Variants in ATRIP observed in about 807,000 individuals in gnomAD.
The protein encoded by ATRIP is ATR-interacting protein.
ATRIP carries 44 observed loss-of-function variants against 78.1 expected under a neutral mutation model. The observed-to-expected ratio is 0.56, with a 90% CI of 0.44 to 0.72. The LOEUF (loss-of-function observed/expected upper bound fraction) is 0.72, where lower values mean the gene tolerates loss of function less well. Among genes scored for constraint, ATRIP ranks in the 30% least tolerant of loss-of-function variants. The pLI is 0.00. For missense variants in ATRIP, 927 were observed against 980.2 expected (o/e 0.95, Z 0.72); for synonymous variants, 388 against 408.9 (o/e 0.95, Z 0.62).
intron 1 of ATRIP, among the ~76,000 whole-genome samples, chr3:48,449,478 A>G (rs1193335361): frequency 6.0e-5 from 9 of 151,250 alleles, no homozygotes; most frequent in Non-Finnish European, 1.3e-4. Context: ...AGGTTGAAAA[A>G]CATCTATATT....
chr3:48,447,148 C>A, intron 1 of ATRIP, 56 bp downstream of exon 1: 2 of 1,403,518 alleles, frequency 1.4e-6, no homozygotes, highest in Non-Finnish European at 1.9e-6. Flanking sequence ...CGCCAGATCC[C>A]CTTGATGGCT....
intron 2 of ATRIP, chr3:48,450,490 CA>C (rs995745348): frequency 7.7e-7 from 1 of 1,292,116 alleles, no homozygotes; most frequent in Non-Finnish European, 1.0e-6. Context: ...TTTTCATTAG[CA>C]GCTTTGCAAG....
At chr3:48,461,343 C>T (rs1195873130) in intron 8 of ATRIP, 3 of 152,386 alleles carry the variant, frequency 2.0e-5, no homozygotes, top group East Asian at 1.9e-4. Context: ...ATCATAAATT[C>T]CTCCCTTGGG....
chr3:48,447,138 C>T (rs750450647), intron 1 of ATRIP, 46 bp downstream of exon 1: 2 of 1,434,800 alleles, frequency 1.4e-6, no homozygotes, highest in East Asian at 2.8e-5. Context: ...TTGTCAACCG[C>T]GCCAGATCCC....
At chr3:48,449,929 C>T in intron 1 of ATRIP, 108 bp from the exon 2 acceptor site, 2 of 1,214,402 alleles carry the variant, frequency 1.6e-6, no homozygotes, top group Admixed American at 2.4e-5. Context: ...CAGAGCAAGA[C>T]CCTATCTCAA....
rs2040069986 is a variant in ATRIP, at chr3:48,460,395, G to A, written c.1341G>A (p.Gly447=). Residue 447 remains glycine, a synonymous_variant, in exon 8 of 13, where the codon GGG becomes GGA. Transcript: ENST00000320211. ...CTGCTAAGAGAAGCGGAGCACCTGGGGACTCACCGACACATTCCTCCTGCG... is the reference window on the plus strand; with the variant it reads ...CTGCTAAGAGAAGCGGAGCACCTGGAGACTCACCGACACATTCCTCCTGCG... ...LAAAKRSGAP[G]DSPTHSSCVS... is the part of the protein sequence containing the mutation. The A allele has an allele frequency of 1.9e-6, 3 of 1,613,376 alleles. No individual in the cohort carries two copies. The highest frequency in any genetic ancestry group is 2.2e-5 in the South Asian group (2 of 90,982).
Position 48,447,020 on chromosome 3 carries a change from G to GAAAT in ATRIP, c.176_177insAATA (p.Asp59GlufsTer7). 1 of 1,580,600 alleles carries GAAAT rather than the reference G, an allele frequency of 6.3e-7. No individual in the cohort carries two copies. Among genetic ancestry groups the GAAAT allele is most frequent in the Admixed American group, 1.8e-5 (1 of 55,784 alleles). On this transcript the variant is annotated frameshift_variant, in exon 1 of 13. Transcript: ENST00000320211. LOFTEE classifies it high-confidence loss of function. ...CGCGCATGGGGACTTCACTGCCGAC[G>GAAAT]ACCTGGAGGAGCTTGACACCCTCGC... is the stretch of plus-strand genomic sequence containing the variant.
chr3:48,451,879 G>T lies in ATRIP; in HGVS notation c.532G>T (p.Glu178Ter), dbSNP rs745780294. Residue 178 changes from glutamate to a stop codon, truncating the protein, a stop_gained, in exon 3 of 13, where the codon GAA becomes TAA. Coordinates refer to ENST00000320211, the MANE Select transcript of ATRIP (RefSeq NM_130384.3). LOFTEE classifies it high-confidence loss of function. Reference protein sequence around the residue: ...QEKTQALSDKEKEFSKKLQSL... With the variant: ...QEKTQALSDK ...GAAAACCCAAGCACTCAGTGACAAG[G>T]AAAAGGAATTCTCCAAAAAGGTGAC... is the stretch of plus-strand genomic sequence containing the variant. 6.2e-7 allele frequency: 1 copy of T among 1,605,420 alleles called. No individual in the cohort carries two copies. Among genetic ancestry groups the T allele is most frequent in the South Asian group, 1.1e-5 (1 of 88,972 alleles).
chr3:48,446,998 G>T lies in ATRIP; in HGVS notation c.153G>T (p.Ala51=), dbSNP rs766298876. The stretch of plus-strand genomic sequence containing the variant: ...CGGACCCTGACGACCCGTTCGGCGC[G>T]CATGGGGACTTCACTGCCGACGACC... ...AAPDPDDPFG[A]HGDFTADDLE... Residue 51 remains alanine, a synonymous_variant, in exon 1 of 13, where the codon GCG becomes GCT. Transcript: ENST00000320211. 3.8e-6 allele frequency: 6 copies of T among 1,578,654 alleles called. 1 individual carries two copies. In the South Asian group the frequency reaches 5.7e-5, roughly 15 times the overall value.
At chr3:48,454,492 G>C (rs2039908000) in intron 4 of ATRIP, 74 bp downstream of exon 4, 2 of 1,193,170 alleles carry the variant, frequency 1.7e-6, no homozygotes, top group Middle Eastern at 3.9e-4. Context: ...TGTCAGGCTG[G>C]TCCTAAATGA....
chr3:48,449,437 A>AAG (rs2039775778), intron 1 of ATRIP, among the ~76,000 whole-genome samples: 1 of 149,190 alleles, frequency 6.7e-6, no homozygotes, highest in Non-Finnish European at 1.5e-5. Flanking sequence ...AAAAAAAAGA[A>AAG]GGATCATTTA....
chr3:48,460,482 G>A lies in ATRIP; in HGVS notation c.1428G>A (p.Val476=), dbSNP rs988242081. The A allele has an allele frequency of 1.2e-6, 2 of 1,611,318 alleles. No homozygotes were observed. The highest frequency in any genetic ancestry group is 2.2e-5 in the East Asian group (1 of 44,858). ...TGTGCATCCTGGAAGGCTTCTCTGT[G>A]ACTGCACTTAGCATTCTTCAGCACC... The part of the protein sequence containing the change: ...DSVCILEGFS[V]TALSILQHLV... Residue 476 remains valine, a synonymous_variant, in exon 8 of 13, where the codon GTG becomes GTA. Transcript: ENST00000320211.
chr3:48,457,235 G>A, intron 4 of ATRIP, 24 bp from the exon 5 acceptor site: 1 of 1,521,590 alleles, frequency 6.6e-7, no homozygotes, highest in South Asian at 1.3e-5. Context: ...TCATTACTTT[G>A]CTTTCATAGT....
intron 5 of ATRIP, among the ~76,000 whole-genome samples, chr3:48,457,726 G>T (rs1388529552): frequency 6.6e-6 from 1 of 152,170 alleles, no homozygotes; most frequent in African/African-American, 2.4e-5. Context: ...AGCGAGCCAG[G>T]CAGAAGCTAT....
intron 3 of ATRIP, among the ~76,000 whole-genome samples, chr3:48,453,325 T>G (rs940024131): frequency 6.6e-6 from 1 of 152,138 alleles, no homozygotes; most frequent in Non-Finnish European, 1.5e-5. Context: ...TTCAGCAAAC[T>G]TAGCAAACTT....
rs2039688900 is a variant in ATRIP at position 48,446,897 on chromosome 3, C to T, written c.52C>T (p.Pro18Ser). Residue 18 changes from proline (P) to serine (S), a missense_variant, in exon 1 of 13, where the codon CCT (proline) becomes TCT (serine). Coordinates refer to ENST00000320211, the MANE Select transcript of ATRIP (RefSeq NM_130384.3). ...CAAGAGGCGGAGCGAGCCCCCGGCG[C>T]CTCGCCCCGGCCCGCCGCCGGGCAC... ...GSKRRSEPPA[P>S]RPGPPPGTGH... 7.2e-7 allele frequency: 1 copy of T among 1,390,292 alleles called. No homozygotes were observed. The highest frequency in any genetic ancestry group is 1.9e-5 in the South Asian group (1 of 53,688). The allele number at this position is 1,390,292 out of a possible 1,614,324, so 86.1% of individuals were successfully genotyped here.
intron 3 of ATRIP, among the ~76,000 whole-genome samples, chr3:48,452,917 C>T (rs1304331882): frequency 1.5e-5 from 2 of 134,302 alleles, no homozygotes; most frequent in African/African-American, 5.7e-5. Context: ...CAGGGTTTCA[C>T]TCTCTTGCCC....
rs1037133581 is a variant in ATRIP, at chr3:48,465,716, G to C, written c.*162G>C. 4 of 654,990 alleles carry C rather than the reference G, an allele frequency of 6.1e-6. No individual in the cohort carries two copies. The highest frequency in any genetic ancestry group is 1.0e-5 in the Non-Finnish European group (4 of 385,562). 40.6% of individuals were successfully genotyped at this position (654,990 alleles called of 1,614,324 possible). On this transcript the variant is annotated 3_prime_UTR_variant, in exon 13 of 13. Coordinates refer to ENST00000320211, the MANE Select transcript of ATRIP (RefSeq NM_130384.3). ...AGTGGGAGGGGTGGAGCAGGACCCG[G>C]ACCCTGAGTGGCTGGGATCCTTCTT... is the stretch of plus-strand genomic sequence containing the variant.
In ATRIP at chr3:48,451,912, A is replaced by G. The variant is rs1292943886; in HGVS notation, c.552+13A>G. 6.3e-7 allele frequency: 1 copy of G among 1,588,082 alleles called. No individual in the cohort carries two copies. The highest frequency in any genetic ancestry group is 1.3e-5 in the African/African-American group (1 of 74,112). ...ATTCTCCAAAAAGGTGACCCAGAGC[A>G]TTTGTTTTGCACCAGCTTTGCCTGC... On this transcript the variant is annotated intron_variant, in intron 3 of 12. Coordinates refer to ENST00000320211, the MANE Select transcript of ATRIP (RefSeq NM_130384.3).
Sources: allele counts gnomAD v4.1 joint callset (sites outside exome capture counted in the v4.1 genomes callset), GRCh38; gene constraint gnomAD v4.1.1; transcripts MANE v1.5; gene names NCBI Gene and HGNC (gene_info 2026-07-23, HGNC 2026-07-21).